The following KCNIP4 variants were observed in gnomAD, a reference collection of about 807,000 sequenced individuals.
KCNIP4 encodes potassium voltage-gated channel interacting protein 4.
In KCNIP4, 12 loss-of-function variants were observed where a neutral mutation model predicts 34.0. The observed-to-expected ratio is 0.35, with a 90% CI of 0.23 to 0.57. The LOEUF is 0.57. Ranked by LOEUF, KCNIP4 falls within the 20% of genes least tolerant of loss-of-function variation. The probability of loss-of-function intolerance (pLI) is 0.83; values close to 1 mark genes in which losing one functional copy is unlikely to be tolerated. For synonymous variants in KCNIP4, 124 were observed against 102.2 expected, an observed-to-expected ratio of 1.21 and a Z score of -1.29; for missense variants, 238 against 311.7, an observed-to-expected ratio of 0.76 and a Z score of 1.78.
chr4:21,608,750 T>G (rs1743919563), intron 1 of KCNIP4: 1 of 152,168 alleles, frequency 6.6e-6, no homozygotes, highest in Non-Finnish European at 1.5e-5. Flanking sequence ...TGTACTCCAG[T>G]CATCAGGGTC....
intron 1 of KCNIP4, among the ~76,000 whole-genome samples, chr4:20,923,978 AT>A (rs2149590140): frequency 6.6e-6 from 1 of 152,266 alleles, no homozygotes; most frequent in African/African-American, 2.4e-5. Flanking sequence ...CTTACTCCAT[AT>A]TCTTCATTGT....
intron 1 of KCNIP4, among the ~76,000 whole-genome samples, chr4:21,025,299 A>G (rs1740421324): frequency 6.6e-6 from 1 of 152,116 alleles, no homozygotes; most frequent in Admixed American, 6.5e-5. Context: ...TCAGGAGATG[A>G]ACCATACTGA....
chr4:21,445,391 A>T (rs1483573286), intron 1 of KCNIP4, among the ~76,000 whole-genome samples: 1 of 152,212 alleles, frequency 6.6e-6, no homozygotes, highest in East Asian at 1.9e-4. Context: ...AGGCTACAGT[A>T]ACCAAAACAG....
intron 1 of KCNIP4, among the ~76,000 whole-genome samples, chr4:21,599,802 G>T (rs576900002): frequency 6.6e-6 from 1 of 152,176 alleles, no homozygotes; most frequent in East Asian, 1.9e-4. Context: ...TGCTCTGGAT[G>T]CCAGAAGAAT....
At chr4:21,085,460 T>C (rs143785254) in intron 1 of KCNIP4, among the ~76,000 whole-genome samples, 1 of 152,332 alleles carries the variant, frequency 6.6e-6, no homozygotes, top group Admixed American at 6.5e-5. Flanking sequence ...CCTCTCTCTA[T>C]ACTGAAGTCT....
At chr4:21,294,939 T>C (rs188281580) in intron 1 of KCNIP4, among the ~76,000 whole-genome samples, 2 of 152,208 alleles carry the variant, frequency 1.3e-5, no homozygotes, top group South Asian at 2.1e-4. Context: ...TCTTCTTTTT[T>C]TGTGTGTGAA....
At chr4:21,722,624 AG>A (rs1714897877) in intron 1 of KCNIP4, among the ~76,000 whole-genome samples, 1 of 152,118 alleles carries the variant, frequency 6.6e-6, no homozygotes, top group South Asian at 2.1e-4. Flanking sequence ...TCAATTGAGA[AG>A]AGAGAAATCA....
chr4:21,923,368 G>T (rs944202954), intron 1 of KCNIP4, among the ~76,000 whole-genome samples: 3 of 152,116 alleles, frequency 2.0e-5, no homozygotes, highest in African/African-American at 7.2e-5. Context: ...GATCATCTGA[G>T]GTCAGGAGTT....
chr4:21,121,399 A>G (rs1229642857), intron 1 of KCNIP4, among the ~76,000 whole-genome samples: 2 of 152,234 alleles, frequency 1.3e-5, no homozygotes, highest in Non-Finnish European at 2.9e-5. Context: ...GTATGAAAGC[A>G]TCTTGCTGTT....
intron 1 of KCNIP4, among the ~76,000 whole-genome samples, chr4:21,439,161 CAA>C (rs76317670): frequency 7.5e-5 from 7 of 93,232 alleles, no homozygotes; most frequent in African/African-American, 8.6e-5. Flanking sequence ...TAATCTGTCT[CAA>C]AAAAAAAAAA....
At chr4:20,976,770 T>C (rs1420128855) in intron 1 of KCNIP4, among the ~76,000 whole-genome samples, 1 of 152,170 alleles carries the variant, frequency 6.6e-6, no homozygotes, top group Non-Finnish European at 1.5e-5. Context: ...TGTGGACCCA[T>C]GGTTGATCAA....
rs921735896 is a variant in KCNIP4 at position 21,427,059 on chromosome 4, C to A, written c.61+521512G>T. Among the ~76,000 whole-genome samples the A allele has an allele frequency of 2.6e-5, 4 of 151,950 alleles. No homozygotes were observed. In the East Asian group the frequency reaches 5.8e-4, roughly 22 times the overall value. ...CTTTTTGTGCAATGGTAGGGTTTAC[C>A]TAATTTGGGTTGGAATTTTCAATAC... On this transcript the variant is annotated intron_variant, in intron 1 of 8. Transcript: ENST00000382152.
chr4:20,744,384 A>C (rs188722486), intron 5 of KCNIP4, among the ~76,000 whole-genome samples: 185 of 152,302 alleles, frequency 1.2e-3, no homozygotes, highest in African/African-American at 3.9e-3. Flanking sequence ...GATAGACTGG[A>C]TTAAGAAAAT....
At chr4:20,870,810 G>C (rs1478636878) in intron 2 of KCNIP4, among the ~76,000 whole-genome samples, 1 of 152,094 alleles carries the variant, frequency 6.6e-6, no homozygotes, top group East Asian at 1.9e-4. Flanking sequence ...AATGAAGTCT[G>C]AATTGCCAAC....
At chr4:21,117,642 CT>C (rs1156910392) in intron 1 of KCNIP4, among the ~76,000 whole-genome samples, 2 of 152,114 alleles carry the variant, frequency 1.3e-5, no homozygotes, top group Non-Finnish European at 1.5e-5. Context: ...GTCTAACTCC[CT>C]TTTTCACGTG....
intron 1 of KCNIP4, among the ~76,000 whole-genome samples, chr4:21,577,618 C>T (rs1330870878): frequency 2.9e-5 from 4 of 137,314 alleles, no homozygotes; most frequent in South Asian, 2.5e-4. Flanking sequence ...ATAACAAGAG[C>T]GAAACTCCAT....
At chr4:21,353,742 G>T (rs977071653) in intron 1 of KCNIP4, among the ~76,000 whole-genome samples, 1 of 152,200 alleles carries the variant, frequency 6.6e-6, no homozygotes, top group Non-Finnish European at 1.5e-5. Flanking sequence ...TTATCCAGGA[G>T]AACTTCCTCA....
At position 20,842,581 on chromosome 4, in the gene KCNIP4, C is replaced by CAAAAAAAAAAAAAAAAAA. The variant is rs59134256; in HGVS notation, c.288+7944_288+7961dup. Among the ~76,000 whole-genome samples the CAAAAAAAAAAAAAAAAAA allele has an allele frequency of 1.4e-4, 10 of 69,688 alleles. 2 individuals are homozygous for CAAAAAAAAAAAAAAAAAA. The highest frequency in any genetic ancestry group is 5.9e-4 in the African/African-American group (10 of 17,050). 45.7% of individuals were successfully genotyped at this position (69,688 alleles called of 152,430 possible). Reference sequence around the variant, plus strand: ...GGCAATTGAGTCTCTCTTCTAATGGCAAAAAAAAAAAAAAAAAAAAAAAAA... The same window carrying CAAAAAAAAAAAAAAAAAA: ...GGCAATTGAGTCTCTCTTCTAATGGCAAAAAAAAAAAAAAAAAAAAAAAAAAAAAAAAAAAAAAAAAAA... On this transcript the variant is annotated intron_variant, in intron 3 of 8. Coordinates refer to ENST00000382152, the MANE Select transcript of KCNIP4 (RefSeq NM_025221.6).
intron 1 of KCNIP4, among the ~76,000 whole-genome samples, chr4:21,492,444 G>T (rs932286781): frequency 1.9e-4 from 29 of 151,836 alleles, no homozygotes; most frequent in African/African-American, 7.0e-4. Context: ...GGCTGCTCTC[G>T]AACTCCTGGC....
Sources: gnomAD v4.1 joint callset for allele counts (sites outside exome capture counted in the v4.1 genomes callset) on GRCh38, gnomAD v4.1.1 for gene constraint, MANE v1.5 for transcripts, NCBI Gene and HGNC (gene_info 2026-07-23, HGNC 2026-07-21) for gene names.